The following SOX5 variants were observed in gnomAD, a reference collection of about 807,000 sequenced individuals.
SOX5 encodes the protein transcription factor SOX-5.
SOX5 carries 9 observed loss-of-function variants against 92.0 expected under a neutral mutation model. That is an observed-to-expected ratio of 0.10 (90% CI 0.06 to 0.17). The LOEUF (loss-of-function observed/expected upper bound fraction) is 0.17, where lower values mean the gene tolerates loss of function less well. Ranked by LOEUF, SOX5 falls within the 10% of genes least tolerant of loss-of-function variation. The pLI is 1.00. For synonymous variants in SOX5, 344 were observed against 336.3 expected, an observed-to-expected ratio of 1.02 and a Z score of -0.25; for missense variants, 642 against 944.5, an observed-to-expected ratio of 0.68 and a Z score of 4.20.
intron 6 of SOX5, among the ~76,000 whole-genome samples, chr12:23,692,211 T>C (rs750171904): frequency 3.9e-5 from 6 of 151,964 alleles, no homozygotes; most frequent in Non-Finnish European, 5.9e-5. Flanking sequence ...GACAGGCGGA[T>C]CACCTGAGGT....
chr12:23,749,815 T>A (rs1234825850), intron 4 of SOX5, among the ~76,000 whole-genome samples: 1 of 151,914 alleles, frequency 6.6e-6, no homozygotes, highest in African/African-American at 2.4e-5. Context: ...ATTTGGAATG[T>A]AGTCAATAAT....
At chr12:24,032,610 G>A (rs1955622320) in intron 4 of SOX5, among the ~76,000 whole-genome samples, 1 of 151,796 alleles carries the variant, frequency 6.6e-6, no homozygotes, top group Non-Finnish European at 1.5e-5. Context: ...GTAACTACTT[G>A]TAAATGACAT....
chr12:23,764,233 GTCCA>G (rs2094643339), intron 3 of SOX5, among the ~76,000 whole-genome samples: 2 of 151,940 alleles, frequency 1.3e-5, no homozygotes, highest in Admixed American at 1.3e-4. Flanking sequence ...TATTTTTGTT[GTCCA>G]TCCATCAAAT....
At chr12:23,697,845 C>A (rs2090095992) in intron 6 of SOX5, among the ~76,000 whole-genome samples, 1 of 152,176 alleles carries the variant, frequency 6.6e-6, no homozygotes, top group Admixed American at 6.5e-5. Context: ...GTCACTGTAT[C>A]CACCTGATAA....
intron 7 of SOX5, among the ~76,000 whole-genome samples, chr12:23,662,277 T>A (rs2083172173): frequency 6.6e-6 from 1 of 152,052 alleles, no homozygotes; most frequent in Admixed American, 6.6e-5. Flanking sequence ...AGGAAAGCAA[T>A]AACTAGATAT....
chr12:24,555,592 T>G (rs925516804), intron 1 of SOX5, among the ~76,000 whole-genome samples: 2 of 152,122 alleles, frequency 1.3e-5, no homozygotes, highest in Admixed American at 6.5e-5. Context: ...AACAGTACAA[T>G]GGACTTAGAG....
At chr12:23,617,305 T>TA (rs2076682951) in intron 8 of SOX5, among the ~76,000 whole-genome samples, 1 of 152,094 alleles carries the variant, frequency 6.6e-6, no homozygotes, top group Admixed American at 6.6e-5. Context: ...ATTATTATTA[T>TA]GACCCACACT....
intron 1 of SOX5, among the ~76,000 whole-genome samples, chr12:23,934,858 G>A (rs1244635087): frequency 6.6e-6 from 1 of 151,272 alleles, no homozygotes; most frequent in Admixed American, 6.6e-5. Context: ...CAGAGTTTAT[G>A]TAAATCGCAA....
chr12:24,241,606 G>T (rs1441620134), intron 3 of SOX5, among the ~76,000 whole-genome samples: 1 of 147,146 alleles, frequency 6.8e-6, no homozygotes, highest in Non-Finnish European at 1.5e-5. Context: ...TTCCTAGTTT[G>T]CAGCGTTCAG....
At chr12:24,140,176 A>G (rs1039297367) in intron 4 of SOX5, among the ~76,000 whole-genome samples, 3 of 152,110 alleles carry the variant, frequency 2.0e-5, no homozygotes, top group Non-Finnish European at 1.5e-5. Context: ...GTGTAGGTCA[A>G]TGCTGACCGG....
At chr12:24,562,165 A>G (rs2139101474) in intron 1 of SOX5, among the ~76,000 whole-genome samples, 1 of 152,156 alleles carries the variant, frequency 6.6e-6, no homozygotes, top group African/African-American at 2.4e-5. Context: ...GTACTTGAGG[A>G]AACTCCGGCG....
At chr12:23,576,642 A>T (rs1192305587) in intron 9 of SOX5, among the ~76,000 whole-genome samples, 1 of 152,144 alleles carries the variant, frequency 6.6e-6, no homozygotes, top group East Asian at 1.9e-4. Context: ...GACAGGTCAA[A>T]ACACAGTTTA....
intron 2 of SOX5, among the ~76,000 whole-genome samples, chr12:24,334,270 T>C (rs1304195927): frequency 6.6e-6 from 1 of 152,022 alleles, no homozygotes; most frequent in African/African-American, 2.4e-5. Context: ...AACATTTACA[T>C]TGCATAAATT....
At chr12:24,407,505 T>C (rs1963236707) in intron 1 of SOX5, 1 of 152,212 alleles carries the variant, frequency 6.6e-6, no homozygotes, top group Non-Finnish European at 1.5e-5. Flanking sequence ...TGGGGAGGCT[T>C]GTCCAAAACT....
At chr12:23,774,374 G>A (rs188982810) in intron 3 of SOX5, among the ~76,000 whole-genome samples, 122 of 152,222 alleles carry the variant, frequency 8.0e-4, no homozygotes, top group Non-Finnish European at 1.4e-3. Flanking sequence ...ATTGTAAGTG[G>A]CACTAGCCAG....
chr12:24,437,477 T>G (rs1474109845), intron 1 of SOX5, among the ~76,000 whole-genome samples: 2 of 152,164 alleles, frequency 1.3e-5, no homozygotes, highest in African/African-American at 2.4e-5. Flanking sequence ...AAATGAGATC[T>G]AATTAAACTA....
intron 1 of SOX5, among the ~76,000 whole-genome samples, chr12:24,419,559 C>T (rs1446650254): frequency 1.3e-5 from 2 of 152,168 alleles, no homozygotes; most frequent in Non-Finnish European, 2.9e-5. Flanking sequence ...TTCTGTGTTT[C>T]ATCACCAGTC....
chr12:24,142,166 A>T (rs377030277), intron 4 of SOX5, among the ~76,000 whole-genome samples: 1 of 152,176 alleles, frequency 6.6e-6, no homozygotes, highest in Non-Finnish European at 1.5e-5. Context: ...AGAAACATCA[A>T]ATCCACAACC....
chr12:24,270,510 ATTATT>A (rs1223743412), intron 3 of SOX5, among the ~76,000 whole-genome samples: 5 of 152,200 alleles, frequency 3.3e-5, no homozygotes, highest in South Asian at 2.1e-4. Flanking sequence ...TATTTGCTCT[ATTATT>A]TTAAGATTTA....
Sources: allele counts gnomAD v4.1 joint callset (sites outside exome capture counted in the v4.1 genomes callset), GRCh38; gene constraint gnomAD v4.1.1; transcripts MANE v1.5; gene names NCBI Gene and HGNC (gene_info 2026-07-23, HGNC 2026-07-21).